Variants in ELAVL2 observed in about 807,000 individuals in gnomAD.
The protein encoded by ELAVL2 is ELAV like RNA binding protein 2.
ELAVL2 carries 4 observed loss-of-function variants against 34.6 expected under a neutral mutation model. That is an observed-to-expected ratio of 0.12 (90% CI 0.06 to 0.26). The LOEUF (loss-of-function observed/expected upper bound fraction) is 0.26, where lower values mean the gene tolerates loss of function less well. Among genes scored for constraint, ELAVL2 ranks in the 10% least tolerant of loss-of-function variants. The pLI, the probability that ELAVL2 is intolerant of heterozygous loss-of-function variation, is 1.00. For synonymous variants in ELAVL2, 193 were observed against 154.8 expected, an observed-to-expected ratio of 1.25 and a Z score of -1.83; for missense variants, 432 against 442.8, an observed-to-expected ratio of 0.98 and a Z score of 0.22.
chr9:23,845,789 T>C, the ELAVL2 span, among the ~76,000 whole-genome samples: 1 of 151,652 alleles, frequency 6.6e-6, no homozygotes, highest in African/African-American at 2.4e-5. Flanking sequence ...GCTCTCTGCA[T>C]TTAAAAAAAA....
intron 2 of ELAVL2, among the ~76,000 whole-genome samples, chr9:23,741,671 C>T (rs1328280772): frequency 6.6e-6 from 1 of 152,138 alleles, no homozygotes; most frequent in African/African-American, 2.4e-5. Flanking sequence ...TAGTCCACCA[C>T]CACTGAGCCA....
intron 1 of ELAVL2, among the ~76,000 whole-genome samples, chr9:23,820,600 T>C (rs2064444796): frequency 6.6e-6 from 1 of 152,162 alleles, no homozygotes; most frequent in African/African-American, 2.4e-5. Context: ...GCTCTGGCCC[T>C]GAAGGATAAC....
At chr9:23,712,904 G>C (rs937942251) in intron 3 of ELAVL2, among the ~76,000 whole-genome samples, 2 of 152,130 alleles carry the variant, frequency 1.3e-5, no homozygotes, top group Non-Finnish European at 2.9e-5. Context: ...AAAATAAAAA[G>C]TGTTTTGGCT....
intron 1 of ELAVL2, among the ~76,000 whole-genome samples, chr9:23,794,484 G>T (rs765884500): frequency 6.6e-6 from 1 of 152,138 alleles, no homozygotes; most frequent in African/African-American, 2.4e-5. Flanking sequence ...ATTTTTCTTA[G>T]GGAGTGAAAA....
At chr9:23,818,578 G>A (rs1490364536) in intron 1 of ELAVL2, among the ~76,000 whole-genome samples, 1 of 152,172 alleles carries the variant, frequency 6.6e-6, no homozygotes, top group Non-Finnish European at 1.5e-5. Context: ...AGACTGAGAT[G>A]GGCAGGTTTT....
chr9:23,729,478 CAG>C (rs899128427), intron 3 of ELAVL2, among the ~76,000 whole-genome samples: 6 of 152,156 alleles, frequency 3.9e-5, no homozygotes, highest in South Asian at 2.1e-4. Flanking sequence ...ATCTCTGACA[CAG>C]AAAGTATGCA....
chr9:23,703,673 T>C (rs2038264306), intron 4 of ELAVL2, among the ~76,000 whole-genome samples: 1 of 152,202 alleles, frequency 6.6e-6, no homozygotes, highest in Admixed American at 6.5e-5. Flanking sequence ...CTCAATTTTC[T>C]TCTGAAGTCA....
intron 2 of ELAVL2, 96 bp from the exon 3 acceptor site, chr9:23,731,221 G>T: frequency 2.1e-6 from 2 of 934,358 alleles, no homozygotes; most frequent in Non-Finnish European, 1.5e-6. Flanking sequence ...ATTAACACCA[G>T]CATATTTCCT....
intron 6 of ELAVL2, among the ~76,000 whole-genome samples, chr9:23,693,149 G>A (rs957695621): frequency 6.6e-6 from 1 of 152,174 alleles, no homozygotes; most frequent in African/African-American, 2.4e-5. Flanking sequence ...AATATATTTA[G>A]AACTGGCTTC....
the ELAVL2 span, chr9:23,849,971 G>A: frequency 5.3e-5 from 8 of 152,040 alleles, no homozygotes; most frequent in Admixed American, 2.0e-4. Context: ...GCTTGTGCTG[G>A]GCGCAGAACT....
chr9:23,813,025 T>G (rs3793602), intron 1 of ELAVL2, among the ~76,000 whole-genome samples: 4 of 152,020 alleles, frequency 2.6e-5, no homozygotes, highest in African/African-American at 9.7e-5. Context: ...ATGTAAGTGC[T>G]TAAAGTCACC....
At chr9:23,759,327 C>G (rs574488499) in intron 2 of ELAVL2, among the ~76,000 whole-genome samples, 10 of 151,826 alleles carry the variant, frequency 6.6e-5, no homozygotes, top group Admixed American at 2.0e-4. Context: ...AAATACCACA[C>G]GATCTCATAG....
At chr9:23,728,246 G>A (rs370590242) in intron 3 of ELAVL2, among the ~76,000 whole-genome samples, 1 of 152,092 alleles carries the variant, frequency 6.6e-6, no homozygotes, top group African/African-American at 2.4e-5. Context: ...CTTCAAAGAA[G>A]GGGGAACTCA....
intron 1 of ELAVL2, among the ~76,000 whole-genome samples, chr9:23,779,059 A>T (rs942254238): frequency 2.0e-5 from 3 of 152,216 alleles, no homozygotes; most frequent in African/African-American, 7.2e-5. Context: ...GGCAGTGAGT[A>T]GGGCAGCACA....
At chr9:23,735,556 G>A (rs1270929082) in intron 2 of ELAVL2, 1 of 152,280 alleles carries the variant, frequency 6.6e-6, no homozygotes, top group Non-Finnish European at 1.5e-5. Context: ...TGGGATTACA[G>A]GCGTGAGCCA....
At chr9:23,825,516 A>T (rs954366335) in intron 1 of ELAVL2, among the ~76,000 whole-genome samples, 2 of 152,052 alleles carry the variant, frequency 1.3e-5, no homozygotes. Context: ...TCCGATCTCA[A>T]TCTTGAAGCT....
chr9:23,848,974 A>G, the ELAVL2 span, among the ~76,000 whole-genome samples: 1 of 152,198 alleles, frequency 6.6e-6, no homozygotes, highest in Non-Finnish European at 1.5e-5. Context: ...AGTTTTTAAG[A>G]CTACTGAGCA....
chr9:23,702,210 T>C (rs1472681965), intron 4 of ELAVL2, among the ~76,000 whole-genome samples: 1 of 152,222 alleles, frequency 6.6e-6, no homozygotes, highest in Non-Finnish European at 1.5e-5. Context: ...TGAAGCTCTC[T>C]TGTGCTTCTG....
the ELAVL2 span, among the ~76,000 whole-genome samples, chr9:23,838,867 G>A: frequency 2.0e-5 from 3 of 152,112 alleles, no homozygotes; most frequent in Admixed American, 6.6e-5. Context: ...ACTGGCTTCC[G>A]GACAGGTACC....
Sources: gnomAD v4.1 joint callset for allele counts (sites outside exome capture counted in the v4.1 genomes callset) on GRCh38, gnomAD v4.1.1 for gene constraint, MANE v1.5 for transcripts, NCBI Gene and HGNC (gene_info 2026-07-23, HGNC 2026-07-21) for gene names.